CFHR3: variants seen among roughly 807,000 people sequenced by gnomAD.
CFHR3 encodes the protein complement factor H-related protein 3.
A neutral mutation model predicts 36.0 loss-of-function variants in CFHR3; 22 were observed. The observed-to-expected ratio is 0.61, with a 90% CI of 0.44 to 0.87. CFHR3 has a LOEUF of 0.87. CFHR3 is among the 40% of genes least tolerant of loss of function. The pLI is 0.00. For missense variants in CFHR3, 276 were observed against 401.3 expected, an observed-to-expected ratio of 0.69 and a Z score of 2.67; for synonymous variants, 97 against 137.4, an observed-to-expected ratio of 0.71 and a Z score of 2.06.
At chr1:196,786,670 A>C (rs1050901502) in intron 3 of CFHR3, among the ~76,000 whole-genome samples, 1 of 136,628 alleles carries the variant, frequency 7.3e-6, no homozygotes, top group Non-Finnish European at 1.6e-5. Flanking sequence ...GCGCAGTATT[A>C]GGGTGGGAGT....
rs1213326428 is a variant in CFHR3, at chr1:196,781,646, GTTGT to G, written c.430+1680_430+1683del. Among the ~76,000 whole-genome samples, 43 of 135,986 alleles carry G rather than the reference GTTGT, an allele frequency of 3.2e-4. 4 individuals are homozygous for G. Among genetic ancestry groups the G allele is most frequent in the Non-Finnish European group, 5.8e-4 (37 of 64,318 alleles). The allele number at this position is 135,986 out of a possible 152,430, so 89.2% of individuals were successfully genotyped here. On this transcript the variant is annotated intron_variant, in intron 3 of 5. Coordinates refer to ENST00000367425, the MANE Select transcript of CFHR3 (RefSeq NM_021023.6). ...TGTCCTTTGCCCACTTTTTGATGGG[GTTGT>G]TTGTTTTTTTCTTGTAAATTTGTTT...
chr1:196,788,723 CTTTG>C, intron 4 of CFHR3: 1 of 1,454,200 alleles, frequency 6.9e-7, no homozygotes, highest in South Asian at 1.3e-5. Flanking sequence ...TCTTCCCTTT[CTTTG>C]TATTTCAAAA....
chr1:196,788,830 G>A (rs116394410), intron 4 of CFHR3: 35,916 of 1,455,970 alleles, frequency 0.025, 6,153 homozygotes, highest in Non-Finnish European at 0.029. Context: ...ATTTCTGCTA[G>A]CGTCAGGAGA....
In CFHR3 at chr1:196,794,539, T is replaced by C; in HGVS notation, c.*1026T>C. Reference sequence around the variant, plus strand: ...TTTCTGATTTATTTAAGGCTACATTTGTATTTTCTTAATACAAATATTTTG... The same window carrying C: ...TTTCTGATTTATTTAAGGCTACATTCGTATTTTCTTAATACAAATATTTTG... On this transcript the variant is annotated 3_prime_UTR_variant, in exon 6 of 6. Transcript: ENST00000367425. 2 of 389,880 alleles carry C rather than the reference T, an allele frequency of 5.1e-6. 1 individual carries two copies. Among genetic ancestry groups the C allele is most frequent in the Non-Finnish European group, 9.9e-6 (2 of 201,136 alleles). 24.2% of individuals were successfully genotyped at this position (389,880 alleles called of 1,614,324 possible). A position where few individuals can be genotyped will look rare whatever the true frequency, so the allele number is the denominator to read the frequency against.
rs1653845140 is a variant in CFHR3, at chr1:196,779,179, C to T, written c.76C>T (p.Pro26Ser). The T allele has an allele frequency of 7.9e-6, 12 of 1,526,666 alleles. 3 individuals carry two copies. The highest frequency in any genetic ancestry group is 1.1e-5 in the Non-Finnish European group (12 of 1,127,936). 94.6% of individuals were successfully genotyped at this position (1,526,666 alleles called of 1,614,324 possible). A position where few individuals can be genotyped will look rare whatever the true frequency, so the allele number is the denominator to read the frequency against. Residue 26 changes from proline to serine, a missense_variant, in exon 2 of 6, where the codon CCA (proline) becomes TCA (serine). Pro to Ser is a moderately conservative substitution (Grantham distance 74). Transcript: ENST00000367425. Reference sequence around the variant, plus strand: ...ATTGCAAGTGAAACCTTGTGATTTTCCAGACATTAAACATGGAGGTCTATT... The same window carrying T: ...ATTGCAAGTGAAACCTTGTGATTTTTCAGACATTAAACATGGAGGTCTATT... Reference protein sequence around the residue: ...ANGQVKPCDFPDIKHGGLFHE... With the variant: ...ANGQVKPCDFSDIKHGGLFHE...
chr1:196,780,773 A>T (rs1653915042), intron 3 of CFHR3, among the ~76,000 whole-genome samples: 1 of 135,104 alleles, frequency 7.4e-6, no homozygotes, highest in Admixed American at 7.1e-5. Context: ...ATCTTTTTTC[A>T]TGATGAATGT....
chr1:196,778,301 G>A (rs547139016), intron 1 of CFHR3, among the ~76,000 whole-genome samples: 4 of 136,392 alleles, frequency 2.9e-5, no homozygotes, highest in Non-Finnish European at 6.2e-5. Flanking sequence ...CTTCTCATCT[G>A]CACACTAAAG....
chr1:196,786,672 G>A lies in CFHR3; in HGVS notation c.431-1544G>A, dbSNP rs1300876943. Among the ~76,000 whole-genome samples, 6 of 136,804 alleles carry A rather than the reference G, an allele frequency of 4.4e-5. 2 individuals carry two copies. Among genetic ancestry groups the A allele is most frequent in the African/African-American group, 1.8e-4 (6 of 32,758 alleles). The allele number at this position is 136,804 out of a possible 152,430, so 89.7% of individuals were successfully genotyped here. On this transcript the variant is annotated intron_variant, in intron 3 of 5. Transcript: ENST00000367425. ...GCCCGTGGGAAAAGCGCAGTATTAG[G>A]GTGGGAGTGACCCGATTTTCCAGGT... is the stretch of plus-strand genomic sequence containing the variant.
At chr1:196,778,022 A>T (rs1653803106) in intron 1 of CFHR3, among the ~76,000 whole-genome samples, 1 of 134,116 alleles carries the variant, frequency 7.5e-6, no homozygotes, top group Admixed American at 7.2e-5. Context: ...GAAAAATTAA[A>T]ATGATTTCCT....
chr1:196,775,265 C>T (rs1653664900), intron 1 of CFHR3, among the ~76,000 whole-genome samples: 1 of 136,768 alleles, frequency 7.3e-6, no homozygotes, highest in Admixed American at 7.1e-5. Context: ...AGATTCTAAG[C>T]TTAAAATGTT....
chr1:196,782,283 C>T lies in CFHR3; in HGVS notation c.430+2310C>T, dbSNP rs1384431082. ...TTGGCTTAGGATTGACTTGGTGATG[C>T]GGGCTCTTTTTTGGTTCCATATGAA... On this transcript the variant is annotated intron_variant, in intron 3 of 5. Transcript: ENST00000367425. Among the ~76,000 whole-genome samples, 42 of 136,820 alleles carry T rather than the reference C, an allele frequency of 3.1e-4. 6 individuals are homozygous for T. The highest frequency in any genetic ancestry group is 7.7e-4 in the Admixed American group (11 of 14,216). 89.8% of individuals were successfully genotyped at this position (136,820 alleles called of 152,430 possible). A position where few individuals can be genotyped will look rare whatever the true frequency, so the allele number is the denominator to read the frequency against.
Position 196,779,366 on chromosome 1 carries a change from C to T in CFHR3, c.253+10C>T. 1 of 1,452,584 alleles carries T rather than the reference C, an allele frequency of 6.9e-7. No homozygotes were observed. The highest frequency in any genetic ancestry group is 9.4e-7 in the Non-Finnish European group (1 of 1,061,476). 90.0% of individuals were successfully genotyped at this position (1,452,584 alleles called of 1,614,324 possible). ...GCAGTACCATGTCTCAGTAAGTAAT[C>T]CTCTGAACTGCTACACATGTATAAA... On this transcript the variant is annotated intron_variant, in intron 2 of 5. Transcript: ENST00000367425.
chr1:196,776,638 AG>A (rs1338381412), intron 1 of CFHR3, among the ~76,000 whole-genome samples: 2 of 136,422 alleles, frequency 1.5e-5, no homozygotes, highest in Non-Finnish European at 3.1e-5. Flanking sequence ...AAGGCAAAGG[AG>A]GAGGTCTCAG....
At position 196,783,204 on chromosome 1, in the gene CFHR3, C is replaced by T. The variant is rs1010351366; in HGVS notation, c.430+3231C>T. Among the ~76,000 whole-genome samples, 7 of 136,488 alleles carry T rather than the reference C, an allele frequency of 5.1e-5. 2 individuals carry two copies. The highest frequency in any genetic ancestry group is 2.2e-4 in the African/African-American group (7 of 32,456). 89.5% of individuals were successfully genotyped at this position (136,488 alleles called of 152,430 possible). A position where few individuals can be genotyped will look rare whatever the true frequency, so the allele number is the denominator to read the frequency against. On this transcript the variant is annotated intron_variant, in intron 3 of 5. Coordinates refer to ENST00000367425, the MANE Select transcript of CFHR3 (RefSeq NM_021023.6). ...TTGATGTGCTGTTGGATTCGGTTTG[C>T]CAGTATTTTATTGAGGATTTTTGTA...
At chr1:196,778,846 C>T (rs557073573) in intron 1 of CFHR3, among the ~76,000 whole-genome samples, 1 of 136,716 alleles carries the variant, frequency 7.3e-6, no homozygotes, top group African/African-American at 3.1e-5. Context: ...GTTGATAAAA[C>T]CTCCAGAATT....
chr1:196,789,064 A>T lies in CFHR3; in HGVS notation c.613+666A>T, dbSNP rs187033837. ...TGATAAAGAGAATGCATAATGAACA[A>T]AGGAAATCTTTCAGTGGCAAAAGTT... On this transcript the variant is annotated intron_variant, in intron 4 of 5. Transcript: ENST00000367425. The T allele has an allele frequency of 4.3e-4, 490 of 1,147,758 alleles. 120 individuals are homozygous for T. The African/African-American group carries it at 9.3e-3, about 22-fold the overall frequency. The allele number at this position is 1,147,758 out of a possible 1,614,324, so 71.1% of individuals were successfully genotyped here.
At position 196,775,054 on chromosome 1, in the gene CFHR3, C is replaced by G. The variant is rs538192134; in HGVS notation, c.58+110C>G. The G allele has an allele frequency of 2.4e-5, 23 of 953,630 alleles. 2 individuals carry two copies. The African/African-American group carries it at 3.9e-4, about 16-fold the overall frequency. The allele number at this position is 953,630 out of a possible 1,614,324, so 59.1% of individuals were successfully genotyped here. A position where few individuals can be genotyped will look rare whatever the true frequency, so the allele number is the denominator to read the frequency against. ...TTATGAATCAAAGAGGATTTATTCA[C>G]TATGCTAGTAGAAGTGACATATTTT... is the stretch of plus-strand genomic sequence containing the variant. On this transcript the variant is annotated intron_variant, in intron 1 of 5. Transcript: ENST00000367425.
At position 196,783,299 on chromosome 1, in the gene CFHR3, A is replaced by C. The variant is rs1558199091; in HGVS notation, c.430+3326A>C. Among the ~76,000 whole-genome samples, 2 of 136,034 alleles carry C rather than the reference A, an allele frequency of 1.5e-5. 1 individual carries two copies. Among genetic ancestry groups the C allele is most frequent in the Non-Finnish European group, 3.1e-5 (2 of 64,452 alleles). The allele number at this position is 136,034 out of a possible 152,430, so 89.2% of individuals were successfully genotyped here. ...TGTGTCTCTGCCTGGCTTTGGTATC[A>C]GGATGATGCTGGCCTCATAAAATGA... On this transcript the variant is annotated intron_variant, in intron 3 of 5. Transcript: ENST00000367425.
At chr1:196,786,665 G>C (rs933834760) in intron 3 of CFHR3, among the ~76,000 whole-genome samples, 1 of 136,912 alleles carries the variant, frequency 7.3e-6, no homozygotes. Context: ...GAAAAGCGCA[G>C]TATTAGGGTG....
Sources: gnomAD v4.1 joint callset for allele counts (sites outside exome capture counted in the v4.1 genomes callset) on GRCh38, gnomAD v4.1.1 for gene constraint, MANE v1.5 for transcripts, NCBI Gene and HGNC (gene_info 2026-07-23, HGNC 2026-07-21) for gene names.